Variants in VSX1 observed in about 807,000 individuals in gnomAD.
VSX1 encodes the protein visual system homeobox 1.
VSX1 carries 23 observed loss-of-function variants against 23.6 expected under a neutral mutation model. The observed-to-expected ratio is 0.97, with a 90% confidence interval of 0.70 to 1.38. VSX1 has a LOEUF of 1.38. Among genes scored for constraint, VSX1 ranks in the 40% most tolerant of loss-of-function variants. VSX1 has a pLI of 0.00. For synonymous variants in VSX1, 247 were observed against 215.1 expected (o/e 1.15, Z -1.30); for missense variants, 517 against 495.4 (o/e 1.04, Z -0.41).
Position 25,077,794 on chromosome 20 carries a change from G to T in VSX1, c.699C>A (p.Ala233=). ...EKRWGGSSVM[A]EYGLYGAMVR... ...CCATGGCCCCGTACAGCCCGTACTC[G>T]GCCATCACGCTGCTGCCGCCCCAGC... Residue 233 remains alanine (A), a synonymous_variant, in exon 4 of 5, where the codon GCC becomes GCA. Transcript: ENST00000376709. 1 of 1,551,182 alleles carries T rather than the reference G, an allele frequency of 6.4e-7. No individual in the cohort carries two copies. The highest frequency in any genetic ancestry group is 8.7e-7 in the Non-Finnish European group (1 of 1,147,024).
At chr20:25,072,383 T>G (rs1405431526), downstream of VSX1, among the ~76,000 whole-genome samples, 2 of 152,206 alleles carry the variant, frequency 1.3e-5, no homozygotes, top group Non-Finnish European at 2.9e-5. Flanking sequence ...CCTCCCCCAG[T>G]GTCAGCCGCA....
intron 2 of VSX1, 149 bp from the exon 3 acceptor site, chr20:25,079,101 A>G (rs2089581756): frequency 1.1e-6 from 1 of 875,566 alleles, no homozygotes; most frequent in Admixed American, 2.5e-5. Context: ...CTGAATGATT[A>G]GCTGATGTCC....
At position 25,076,031 on chromosome 20, in the gene VSX1, A is replaced by T; in HGVS notation, c.*230T>A. 1 of 599,910 alleles carries T rather than the reference A, an allele frequency of 1.7e-6. No individual in the cohort carries two copies. Among genetic ancestry groups the T allele is most frequent in the Non-Finnish European group, 2.9e-6 (1 of 344,604 alleles). The allele number at this position is 599,910 out of a possible 1,614,324, so 37.2% of individuals were successfully genotyped here. A position where few individuals can be genotyped will look rare whatever the true frequency, so the allele number is the denominator to read the frequency against. ...AAAAGAGAATCAAAAGTTTTGCACC[A>T]AGTTAACTGGTTAAAGTGCCATTAA... On this transcript the variant is annotated 3_prime_UTR_variant, in exon 5 of 5. Transcript: ENST00000376709.
In VSX1 at chr20:25,076,083, T is replaced by A. The variant is rs1353408183; in HGVS notation, c.*178A>T. The A allele has an allele frequency of 6.2e-6, 5 of 806,744 alleles. No homozygotes were observed. The Admixed American group carries it at 8.1e-5, about 13-fold the overall frequency. The allele number at this position is 806,744 out of a possible 1,614,324, so 50.0% of individuals were successfully genotyped here. ...GAACCGTTTCCATTCTAGAATGAAATAGAATTTTCCCTAGGTCACTCATCT... is the reference window on the plus strand; with the variant it reads ...GAACCGTTTCCATTCTAGAATGAAAAAGAATTTTCCCTAGGTCACTCATCT... On this transcript the variant is annotated 3_prime_UTR_variant, in exon 5 of 5. Coordinates refer to ENST00000376709, the MANE Select transcript of VSX1 (RefSeq NM_014588.6).
chr20:25,076,563 A>AT lies in VSX1; in HGVS notation c.809-14_809-13insA, dbSNP rs763634553. ...TTTTTATGCATCCCTTGTAAAAAAAAAAATAAAAAGGAAAAAATAAAAATA... is the reference window on the plus strand; with the variant it reads ...TTTTTATGCATCCCTTGTAAAAAAAATAAATAAAAAGGAAAAAATAAAAATA... On this transcript the variant is annotated splice_polypyrimidine_tract_variant and intron_variant, in intron 4 of 4. Transcript: ENST00000376709. The AT allele has an allele frequency of 6.9e-5, 109 of 1,586,662 alleles. No homozygotes were observed. The Admixed American group carries it at 1.2e-3, about 17-fold the overall frequency.
At chr20:25,075,248 T>C (rs888980988), downstream of VSX1, among the ~76,000 whole-genome samples, 3 of 152,156 alleles carry the variant, frequency 2.0e-5, no homozygotes, top group South Asian at 6.2e-4. Flanking sequence ...TCCCATCAAC[T>C]AGAAGGTATC....
At chr20:25,077,574 G>A in intron 4 of VSX1, 111 bp downstream of exon 4, 1 of 1,320,476 alleles carries the variant, frequency 7.6e-7, no homozygotes, top group South Asian at 1.3e-5. Flanking sequence ...CTGAATCTCA[G>A]TAAACTGACG....
At position 25,076,173 on chromosome 20, in the gene VSX1, GTA is replaced by G; in HGVS notation, c.*86_*87del. 6.4e-7 allele frequency: 1 copy of G among 1,569,704 alleles called. No homozygotes were observed. The highest frequency in any genetic ancestry group is 8.7e-7 in the Non-Finnish European group (1 of 1,143,020). The stretch of plus-strand genomic sequence containing the variant: ...TTGTCAGAAGAAAATCAAACTGAGA[GTA>G]TATGTCTTGGACAATTTTTGTCTTT... On this transcript the variant is annotated 3_prime_UTR_variant, in exon 5 of 5. Coordinates refer to ENST00000376709, the MANE Select transcript of VSX1 (RefSeq NM_014588.6).
rs2089642006 is a variant in VSX1 at position 25,081,529 on chromosome 20, T to C, written c.424+144A>G. The C allele has an allele frequency of 4.7e-6, 6 of 1,271,234 alleles. No individual in the cohort carries two copies. In the East Asian group the frequency reaches 1.4e-4, roughly 29 times the overall value. 78.7% of individuals were successfully genotyped at this position (1,271,234 alleles called of 1,614,324 possible). On this transcript the variant is annotated intron_variant, in intron 1 of 4. Transcript: ENST00000376709. ...GGCGGCGCAGCTCCGCGAATGCCCC[T>C]CCCGCGACGGGGCCTCGCTCTGGGC...
chr20:25,071,298 C>A, downstream of VSX1: 1 of 454,062 alleles, frequency 2.2e-6, no homozygotes, highest in Non-Finnish European at 4.4e-6. Context: ...GAAGGGCAGC[C>A]AGCCTTGGGG....
At chr20:25,071,434 T>A (rs1297573815), downstream of VSX1, 1 of 453,372 alleles carries the variant, frequency 2.2e-6, no homozygotes, top group South Asian at 1.6e-5. Context: ...ATTGTGCCAC[T>A]GCACTCCAGC....
chr20:25,078,235 C>T (rs6083737), intron 3 of VSX1, among the ~76,000 whole-genome samples: 44,393 of 152,162 alleles, frequency 0.29, 7,422 homozygotes, highest in African/African-American at 0.44. Flanking sequence ...TTGGAATGAG[C>T]TCACTGGGGC....
intron 3 of VSX1, 56 bp downstream of exon 3, chr20:25,078,773 G>A (rs2089568024): frequency 6.2e-7 from 1 of 1,614,030 alleles, no homozygotes; most frequent in Non-Finnish European, 8.5e-7. Context: ...CACTGAATGT[G>A]GGAATGACAC....
chr20:25,071,455 A>G, downstream of VSX1: 1 of 453,276 alleles, frequency 2.2e-6, no homozygotes, highest in South Asian at 1.6e-5. Context: ...CTGGAGACAG[A>G]GTGAGACCCT....
rs2089665483 is a variant in VSX1 at position 25,082,098 on chromosome 20, G to T, written c.-2C>A. ...GGAAAGCGAGTCCCGGCCGGTCATG[G>T]TTCCTTAGCAAGCAAGGCGCGAGCC... On this transcript the variant is annotated 5_prime_UTR_variant, in exon 1 of 5. Coordinates refer to ENST00000376709, the MANE Select transcript of VSX1 (RefSeq NM_014588.6). 6.5e-7 allele frequency: 1 copy of T among 1,536,698 alleles called. No individual in the cohort carries two copies. The highest frequency in any genetic ancestry group is 2.4e-5 in the East Asian group (1 of 41,258).
intron 3 of VSX1, chr20:25,078,127 C>A: frequency 1.8e-6 from 1 of 563,594 alleles, no homozygotes. Context: ...ACTGAAGTTT[C>A]CATAGAGTCA....
chr20:25,078,933 G>T lies in VSX1; in HGVS notation c.523C>A (p.Gln175Lys). ...AATGCCTTCTCCAACTCTTCCAGCT[G>T]GTGAGCAGTGAAAACTGTCCTGCAA... is the stretch of plus-strand genomic sequence containing the variant. ...RRHRTVFTAH[Q>K]LEELEKAFSE... Residue 175 changes from glutamine (Q) to lysine (K), a missense_variant, in exon 3 of 5, where the codon CAG (glutamine) becomes AAG (lysine). Coordinates refer to ENST00000376709, the MANE Select transcript of VSX1 (RefSeq NM_014588.6). 8 of 1,614,028 alleles carry T rather than the reference G, an allele frequency of 5.0e-6. No individual in the cohort carries two copies. Among genetic ancestry groups the T allele is most frequent in the Non-Finnish European group, 5.9e-6 (7 of 1,180,044 alleles).
downstream of VSX1, among the ~76,000 whole-genome samples, chr20:25,073,360 G>A (rs1031346996): frequency 6.6e-6 from 1 of 151,726 alleles, no homozygotes; most frequent in Non-Finnish European, 1.5e-5. Flanking sequence ...TAAAATTTTC[G>A]TCTATTTTTT....
At chr20:25,081,352 C>CT in intron 1 of VSX1, 1 of 623,590 alleles carries the variant, frequency 1.6e-6, no homozygotes, top group Non-Finnish European at 3.0e-6. Flanking sequence ...GCGCCTGGCG[C>CT]TGGGGGGAAA....
Sources: allele counts gnomAD v4.1 joint callset (sites outside exome capture counted in the v4.1 genomes callset), GRCh38; gene constraint gnomAD v4.1.1; transcripts MANE v1.5; gene names NCBI Gene and HGNC (gene_info 2026-07-23, HGNC 2026-07-21).